SLC71A2: variants seen among roughly 807,000 people sequenced by gnomAD.
The protein encoded by SLC71A2 is hippocampus abundant transcript-like 1.
At chr9:94,385,204 T>C in the SLC71A2 span, among the ~76,000 whole-genome samples, 1 of 152,376 alleles carries the variant, frequency 6.6e-6, no homozygotes, top group East Asian at 1.9e-4. Context: ...CTCTGCTGAT[T>C]GCGTCCTTTG....
the SLC71A2 span, among the ~76,000 whole-genome samples, chr9:94,412,451 A>G: frequency 6.6e-6 from 1 of 152,222 alleles, no homozygotes; most frequent in Admixed American, 6.5e-5. Flanking sequence ...AAGGATATTA[A>G]TAGTCCCACC....
chr9:94,453,895 G>A, the SLC71A2 span: 2 of 1,128,288 alleles, frequency 1.8e-6, no homozygotes, highest in African/African-American at 1.5e-5. Context: ...TTCACACACA[G>A]AGCTTGTATT....
the SLC71A2 span, among the ~76,000 whole-genome samples, chr9:94,439,613 C>G: frequency 6.6e-6 from 1 of 151,098 alleles, no homozygotes; most frequent in Non-Finnish European, 1.5e-5. Context: ...ATGCTAACAC[C>G]TATCACATTC....
chr9:94,455,398 T>TTTTG, the SLC71A2 span, among the ~76,000 whole-genome samples: 2 of 127,552 alleles, frequency 1.6e-5, no homozygotes, highest in African/African-American at 7.5e-5. Flanking sequence ...TTTTTTTTTT[T>TTTTG]GTAAAGACAA....
chr9:94,408,257 G>T, the SLC71A2 span, among the ~76,000 whole-genome samples: 1 of 152,160 alleles, frequency 6.6e-6, no homozygotes, highest in Non-Finnish European at 1.5e-5. Flanking sequence ...AGTCTAAAGC[G>T]ACTTTCAAGT....
At chr9:94,399,371 T>G in the SLC71A2 span, among the ~76,000 whole-genome samples, 2 of 152,252 alleles carry the variant, frequency 1.3e-5, no homozygotes, top group African/African-American at 4.8e-5. Flanking sequence ...GCCGTTGAGT[T>G]TCTAGGGTGT....
At chr9:94,439,830 A>G in the SLC71A2 span, among the ~76,000 whole-genome samples, 3 of 152,178 alleles carry the variant, frequency 2.0e-5, no homozygotes, top group Admixed American at 1.3e-4. Flanking sequence ...CTGCTACAAC[A>G]TGAGCTCTTC....
chr9:94,453,828 T>C, the SLC71A2 span: 3 of 660,292 alleles, frequency 4.5e-6, no homozygotes, highest in Non-Finnish European at 8.1e-6. Flanking sequence ...GTCCAGACTC[T>C]GAGGTTGCAG....
chr9:94,394,107 G>A, the SLC71A2 span, among the ~76,000 whole-genome samples: 1 of 144,194 alleles, frequency 6.9e-6, no homozygotes, highest in Admixed American at 7.1e-5. Context: ...TGGCCTCTTA[G>A]TTTGCATTAA....
chr9:94,383,599 C>G, the SLC71A2 span, among the ~76,000 whole-genome samples: 3 of 152,162 alleles, frequency 2.0e-5, no homozygotes, highest in African/African-American at 7.2e-5. Flanking sequence ...GACTTGAAAA[C>G]TAACAGTCCC....
the SLC71A2 span, among the ~76,000 whole-genome samples, chr9:94,391,411 G>A: frequency 6.6e-5 from 10 of 151,442 alleles, no homozygotes; most frequent in African/African-American, 2.4e-4. Context: ...GAGAGATGTT[G>A]AGGAACTAGT....
the SLC71A2 span, chr9:94,446,782 T>G: frequency 1.0e-6 from 1 of 991,986 alleles, no homozygotes; most frequent in Non-Finnish European, 1.6e-6. Flanking sequence ...AACATTAATG[T>G]GTATTGGCAT....
At chr9:94,411,040 AC>A in the SLC71A2 span, among the ~76,000 whole-genome samples, 1 of 152,184 alleles carries the variant, frequency 6.6e-6, no homozygotes, top group Non-Finnish European at 1.5e-5. Context: ...GAGCCACTGC[AC>A]CTGGCAAAAA....
chr9:94,386,595 C>T, the SLC71A2 span, among the ~76,000 whole-genome samples: 21 of 152,310 alleles, frequency 1.4e-4, no homozygotes, highest in South Asian at 2.1e-4. Context: ...CTCTCTCTCT[C>T]TCTTCCCTCC....
At chr9:94,408,809 C>G in the SLC71A2 span, among the ~76,000 whole-genome samples, 1 of 121,994 alleles carries the variant, frequency 8.2e-6, no homozygotes, top group East Asian at 2.0e-4. Context: ...TCTTCCCTTT[C>G]CTTTTTCTGT....
At chr9:94,409,713 T>A in the SLC71A2 span, among the ~76,000 whole-genome samples, 1 of 152,064 alleles carries the variant, frequency 6.6e-6, no homozygotes, top group South Asian at 2.1e-4. Context: ...GTGATTTCTT[T>A]TATCTGTTAT....
the SLC71A2 span, among the ~76,000 whole-genome samples, chr9:94,457,221 C>G: frequency 6.6e-6 from 1 of 152,136 alleles, no homozygotes; most frequent in Non-Finnish European, 1.5e-5. Context: ...CTCGGCCTCT[C>G]AAAGTGCTGA....
the SLC71A2 span, among the ~76,000 whole-genome samples, chr9:94,441,283 T>C: frequency 3.9e-5 from 6 of 152,298 alleles, no homozygotes; most frequent in African/African-American, 1.2e-4. Context: ...AAAGGAGGCA[T>C]AGAGGCTTCT....
the SLC71A2 span, chr9:94,445,132 C>G: frequency 6.2e-7 from 1 of 1,614,116 alleles, no homozygotes; most frequent in Non-Finnish European, 8.5e-7. Context: ...GAAAATGAGA[C>G]CGGTTTCCTG....
Sources: gnomAD v4.1 joint callset for allele counts (sites outside exome capture counted in the v4.1 genomes callset) on GRCh38, gnomAD v4.1.1 for gene constraint, MANE v1.5 for transcripts, NCBI Gene and HGNC (gene_info 2026-07-23, HGNC 2026-07-21) for gene names.